The following GIGYF2 variants were observed in gnomAD, a reference collection of about 807,000 sequenced individuals.
GIGYF2 encodes the protein GRB10-interacting GYF protein 2.
A neutral mutation model predicts 208.1 loss-of-function variants in GIGYF2; 25 were observed. The ratio of observed to expected loss-of-function variants is 0.12; its 90% CI spans 0.09 to 0.17. GIGYF2 has a LOEUF of 0.17. Ranked by LOEUF, GIGYF2 falls within the 10% of genes least tolerant of loss-of-function variation. The pLI is 1.00. For synonymous variants in GIGYF2, 534 were observed against 543.8 expected, an observed-to-expected ratio of 0.98 and a Z score of 0.25; for missense variants, 1,302 against 1,579.4, an observed-to-expected ratio of 0.82 and a Z score of 2.98.
intron 10 of GIGYF2, 41 bp downstream of exon 10, chr2:232,790,956 T>G: frequency 6.2e-7 from 1 of 1,612,142 alleles, no homozygotes; most frequent in Non-Finnish European, 8.5e-7. Flanking sequence ...GCATTAACCT[T>G]ATACCAAAGC....
intron 14 of GIGYF2, among the ~76,000 whole-genome samples, chr2:232,797,955 T>G (rs1700275813): frequency 7.0e-6 from 1 of 143,062 alleles, no homozygotes; most frequent in Non-Finnish European, 1.5e-5. Context: ...TACTTTAATC[T>G]GTGTGACAGA....
At chr2:232,796,001 A>T (rs1700210719) in intron 13 of GIGYF2, 61 bp from the exon 14 acceptor site, 3 of 1,201,186 alleles carry the variant, frequency 2.5e-6, no homozygotes, top group African/African-American at 3.0e-5. Context: ...CACTGTTATT[A>T]TGTGTACAAG....
At chr2:232,807,370 G>T (rs1028100667) in intron 15 of GIGYF2, among the ~76,000 whole-genome samples, 1 of 152,166 alleles carries the variant, frequency 6.6e-6, no homozygotes, top group Middle Eastern at 3.4e-3. Flanking sequence ...TCTACAAATA[G>T]TAATGAAATA....
At chr2:232,840,166 A>G (rs1234337002) in intron 23 of GIGYF2, among the ~76,000 whole-genome samples, 195 bp downstream of exon 23, 4 of 152,190 alleles carry the variant, frequency 2.6e-5, no homozygotes, top group African/African-American at 9.7e-5. Context: ...TAACATGAAG[A>G]TTGAGTAACA....
chr2:232,846,097 A>G (rs1701994980), intron 26 of GIGYF2, among the ~76,000 whole-genome samples: 1 of 152,218 alleles, frequency 6.6e-6, no homozygotes, highest in Non-Finnish European at 1.5e-5. Context: ...GTGGTTGTCA[A>G]AAAGTAAATG....
intron 2 of GIGYF2, among the ~76,000 whole-genome samples, chr2:232,731,524 T>C (rs1697496365): frequency 6.6e-6 from 1 of 152,230 alleles, no homozygotes; most frequent in African/African-American, 2.4e-5. Context: ...AACCTTACAA[T>C]TGATGTGGTC....
chr2:232,793,505 T>C (rs1399597715), intron 12 of GIGYF2, among the ~76,000 whole-genome samples: 1 of 152,084 alleles, frequency 6.6e-6, no homozygotes, highest in Admixed American at 6.5e-5. Flanking sequence ...ATGGTGCCAT[T>C]CACCATAGAG....
intron 2 of GIGYF2, among the ~76,000 whole-genome samples, chr2:232,728,471 A>C (rs1286739362): frequency 6.6e-6 from 1 of 152,234 alleles, no homozygotes; most frequent in African/African-American, 2.4e-5. Context: ...AATTTGAGAC[A>C]AAATGAATGG....
chr2:232,774,043 A>G (rs1051152365), intron 8 of GIGYF2, among the ~76,000 whole-genome samples: 1 of 151,728 alleles, frequency 6.6e-6, no homozygotes, highest in Non-Finnish European at 1.5e-5. Flanking sequence ...GCACTTTGGG[A>G]CGTTGAGTCG....
chr2:232,855,080 C>CTTTTTTTTTTTTTTTTTTTTT (rs201395041), intron 28 of GIGYF2, among the ~76,000 whole-genome samples: 1 of 109,190 alleles, frequency 9.2e-6, no homozygotes, highest in Non-Finnish European at 1.8e-5. Flanking sequence ...CTTTTTCTTT[C>CTTTTTTTTTTTTTTTTTTTTT]TTTTTTTTTT....
chr2:232,723,851 G>A (rs1471250924), intron 2 of GIGYF2, among the ~76,000 whole-genome samples: 1 of 149,652 alleles, frequency 6.7e-6, no homozygotes, highest in African/African-American at 2.5e-5. Flanking sequence ...TCCTGCCTCA[G>A]CCTCCTGAGT....
intron 16 of GIGYF2, 127 bp downstream of exon 16, chr2:232,809,938 T>C: frequency 1.4e-6 from 1 of 707,074 alleles, no homozygotes; most frequent in Non-Finnish European, 2.6e-6. Flanking sequence ...GTCACCCAGC[T>C]AGTGGCGTCT....
chr2:232,832,998 C>G lies in GIGYF2; in HGVS notation c.2671C>G (p.Arg891Gly). Residue 891 changes from arginine to glycine, a missense_variant, in exon 22 of 29, where the codon CGG becomes GGG. Around this residue, in one of 8 missense-constraint regions of GIGYF2, gnomAD observed 701 missense variants for 793.0 expected, o/e 0.88. Coordinates refer to ENST00000373563, the MANE Select transcript of GIGYF2 (RefSeq NM_001103146.3). ...GAAGAGAAAGGAGCTGGAGGTCCAG[C>G]GGCAGAAGGAGTTAATGCGCCAGAG... ...ERKRKELEVQ[R>G]QKELMRQRQQ... The G allele has an allele frequency of 6.4e-7, 1 of 1,573,342 alleles. No individual in the cohort carries two copies. Among genetic ancestry groups the G allele is most frequent in the Non-Finnish European group, 8.6e-7 (1 of 1,159,044 alleles).
At chr2:232,749,152 A>C in intron 5 of GIGYF2, 70 bp downstream of exon 5, 2 of 816,068 alleles carry the variant, frequency 2.5e-6, no homozygotes, top group Non-Finnish European at 4.4e-6. Flanking sequence ...ATAGGAAGTT[A>C]CTATTTATGC....
At chr2:232,787,054 C>A in intron 8 of GIGYF2, 96 bp from the exon 9 acceptor site, 1 of 836,414 alleles carries the variant, frequency 1.2e-6, no homozygotes, top group Non-Finnish European at 2.1e-6. Flanking sequence ...GAAATGGACC[C>A]ATTTGCAGGA....
At chr2:232,788,550 T>C (rs1391565340) in intron 9 of GIGYF2, 1 of 470,868 alleles carries the variant, frequency 2.1e-6, no homozygotes, top group Non-Finnish European at 4.4e-6. Context: ...GGATCTGGGC[T>C]GAGAGAGAAA....
At chr2:232,841,176 AATT>A (rs2106420021) in intron 23 of GIGYF2, among the ~76,000 whole-genome samples, 2 of 152,342 alleles carry the variant, frequency 1.3e-5, no homozygotes, top group East Asian at 3.9e-4. Context: ...CAAAGCTAGA[AATT>A]ATTCCACTAA....
At chr2:232,803,228 T>G (rs1700454389) in intron 14 of GIGYF2, among the ~76,000 whole-genome samples, 1 of 152,254 alleles carries the variant, frequency 6.6e-6, no homozygotes, top group South Asian at 2.1e-4. Context: ...TAGATACTAG[T>G]CCTTTGATGG....
At chr2:232,775,098 G>T (rs988191057) in intron 8 of GIGYF2, among the ~76,000 whole-genome samples, 1 of 151,870 alleles carries the variant, frequency 6.6e-6, no homozygotes, top group African/African-American at 2.4e-5. Context: ...TGCTGGATTT[G>T]GTTTGGATTG....
Sources: gnomAD v4.1 joint callset for allele counts (sites outside exome capture counted in the v4.1 genomes callset) on GRCh38, gnomAD v4.1.1 for gene constraint, gnomAD v4.1.1 regional missense constraint, MANE v1.5 for transcripts, NCBI Gene and HGNC (gene_info 2026-07-23, HGNC 2026-07-21) for gene names.